The following CANT1 variants were observed in gnomAD, a reference collection of about 807,000 sequenced individuals.
CANT1 encodes calcium activated nucleotidase 1.
In CANT1, 26 loss-of-function variants were observed where a neutral mutation model predicts 30.0. That is an observed-to-expected ratio of 0.87 (90% confidence interval 0.64 to 1.20). The LOEUF (loss-of-function observed/expected upper bound fraction) is 1.20, where lower values mean the gene tolerates loss of function less well. Among genes scored for constraint, CANT1 ranks in the 50% most tolerant of loss-of-function variants. The probability of loss-of-function intolerance (pLI) is 0.00; values close to 1 mark genes in which losing one functional copy is unlikely to be tolerated. For synonymous variants in CANT1, 246 were observed against 251.8 expected (o/e 0.98, Z 0.22); for missense variants, 518 against 563.0 (o/e 0.92, Z 0.81).
rs2071106261 is a variant in CANT1, at chr17:78,998,114, C to CTG, written c.-146-152_-146-151insCA. On this transcript the variant is annotated intron_variant, in intron 1 of 4. Transcript: ENST00000392446. This position sits in a 1 kb window ranked among gnomAD's most constrained non-coding sequence, Gnocchi z 4.5. The stretch of plus-strand genomic sequence containing the variant: ...CTGACTGCCCTGCTGCAGACATCAC[C>CTG]CTCCGTCCCTGGGTCCTTGGCCCTT... The CTG allele has an allele frequency of 5.4e-6, 1 of 186,650 alleles. No homozygotes were observed. Among genetic ancestry groups the CTG allele is most frequent in the Non-Finnish European group, 1.1e-5 (1 of 88,640 alleles). 11.6% of individuals were successfully genotyped at this position (186,650 alleles called of 1,614,324 possible).
In CANT1 at chr17:78,997,350, G is replaced by T. The variant is rs369008128; in HGVS notation, c.273C>A (p.Tyr91Ter). ...QAPANWYNDT[Y>*]PLSPPQRTPA... ...GTGTCCTTTGTGGGGGAGACAGGGG[G>T]TAGGTGTCATTGTACCAGTTGGCGG... The change falls in exon 3 of 5, where the codon TAC (tyrosine) becomes TAA (stop). Residue 91 changes from tyrosine (Y) to a stop codon, truncating the protein, a stop_gained. Coordinates refer to ENST00000392446, the MANE Select transcript of CANT1 (RefSeq NM_001159773.2). LOFTEE classifies it high-confidence loss of function. The surrounding 1 kb of genome is among the most constrained non-coding windows in gnomAD (Gnocchi z 7.5). 2.5e-6 allele frequency: 4 copies of T among 1,614,040 alleles called. No homozygotes were observed. In the Admixed American group the frequency reaches 5.0e-5, roughly 20 times the overall value.
At position 78,993,730 on chromosome 17, in the gene CANT1, G is replaced by C. The variant is rs755288092; in HGVS notation, c.1026C>G (p.His342Gln). Residue 342 changes from histidine to glutamine, a missense_variant, in exon 5 of 5, where the codon CAC becomes CAG. Around this residue, in one of 3 missense-constraint regions of CANT1, gnomAD observed 221 missense variants for 211.8 expected, o/e 1.04. Coordinates refer to ENST00000392446, the MANE Select transcript of CANT1 (RefSeq NM_001159773.2). The surrounding 1 kb of genome is among the most constrained non-coding windows in gnomAD (Gnocchi z 4.5). ...VSHVGAVVPT[H>Q]GFSSFKFIPN... ...GGATGAACTTGAAGGACGAGAAGCCGTGAGTGGGGACCACCGCCCCGACGT... is the reference window on the plus strand; with the variant it reads ...GGATGAACTTGAAGGACGAGAAGCCCTGAGTGGGGACCACCGCCCCGACGT... 3 of 1,613,892 alleles carry C rather than the reference G, an allele frequency of 1.9e-6. No individual in the cohort carries two copies. The East Asian group carries it at 6.7e-5, about 36-fold the overall frequency.
In CANT1 at chr17:78,993,961, T is replaced by A. The variant is rs760787869; in HGVS notation, c.836-41A>T. The A allele has an allele frequency of 5.2e-6, 8 of 1,536,808 alleles. No homozygotes were observed. On this transcript the variant is annotated intron_variant, in intron 4 of 4. Transcript: ENST00000392446. The surrounding 1 kb of genome is among the most constrained non-coding windows in gnomAD (Gnocchi z 4.5). ...CCGCGGGTCAGACACGCATGCGGCC[T>A]GGTGTGCCCAGCCCCACACCATCAG...
rs1185110191 is a variant in CANT1 at position 78,996,457 on chromosome 17, G to C, written c.631+535C>G. ...CACCTCCTTTCTGGTGAACAAAAAG[G>C]CTGGCATCAGGCTCCACTCCAGGGG... On this transcript the variant is annotated intron_variant, in intron 3 of 4. Transcript: ENST00000392446. This position sits in a 1 kb window ranked among gnomAD's most constrained non-coding sequence, Gnocchi z 5.1. Among the ~76,000 whole-genome samples the C allele has an allele frequency of 1.3e-5, 2 of 152,192 alleles. No individual in the cohort carries two copies. Among genetic ancestry groups the C allele is most frequent in the African/African-American group, 4.8e-5 (2 of 41,444 alleles).
rs774578044 is a variant in CANT1 at position 78,992,758 on chromosome 17, A to C, written c.*792T>G. On this transcript the variant is annotated 3_prime_UTR_variant, in exon 5 of 5. Coordinates refer to ENST00000392446, the MANE Select transcript of CANT1 (RefSeq NM_001159773.2). Reference sequence around the variant, plus strand: ...CCACCGCTTCCTTACAATCTCCCGCACTGCTGGAGCGGGCTGGGTAACTAC... The same window carrying C: ...CCACCGCTTCCTTACAATCTCCCGCCCTGCTGGAGCGGGCTGGGTAACTAC... 3 of 591,938 alleles carry C rather than the reference A, an allele frequency of 5.1e-6. No homozygotes were observed. The highest frequency in any genetic ancestry group is 3.3e-6 in the Non-Finnish European group (1 of 306,002). The allele number at this position is 591,938 out of a possible 1,614,324, so 36.7% of individuals were successfully genotyped here.
Position 78,993,585 on chromosome 17 carries a change from C to G in CANT1, c.1171G>C (p.Gly391Arg), listed in dbSNP as rs556188370. 2 of 1,614,138 alleles carry G rather than the reference C, an allele frequency of 1.2e-6. No homozygotes were observed. The highest frequency in any genetic ancestry group is 2.2e-5 in the East Asian group (1 of 44,898). ...TCGATGCCTTCGTATTTCACGCTTC[C>G]GATCTTGGTCTCCGGCAACAGGAAG... Reference protein sequence around the residue: ...GRFLLPETKIGSVKYEGIEFI With the variant: ...GRFLLPETKIRSVKYEGIEFI Residue 391 changes from glycine to arginine, a missense_variant, in exon 5 of 5, where the codon GGA becomes CGA. Gly to Arg is a moderately radical substitution (Grantham distance 125). Transcript: ENST00000392446. This position sits in a 1 kb window ranked among gnomAD's most constrained non-coding sequence, Gnocchi z 4.5.
Position 78,998,513 on chromosome 17 carries a change from C to T in CANT1, c.-146-550G>A, listed in dbSNP as rs1381186248. On this transcript the variant is annotated intron_variant, in intron 1 of 4. Transcript: ENST00000392446. This position sits in a 1 kb window ranked among gnomAD's most constrained non-coding sequence, Gnocchi z 4.5. ...TGCGGGGCCTGGCTCGGCCGCAGGC[C>T]TCTCCCAGCTCACCCTCCACCCCAG... Among the ~76,000 whole-genome samples, 1 of 152,256 alleles carries T rather than the reference C, an allele frequency of 6.6e-6. No individual in the cohort carries two copies. The highest frequency in any genetic ancestry group is 1.5e-5 in the Non-Finnish European group (1 of 68,036).
Position 78,997,532 on chromosome 17 carries a change from T to C in CANT1, c.91A>G (p.Met31Val). 6.4e-7 allele frequency: 1 copy of C among 1,567,388 alleles called. No homozygotes were observed. ...SVGGLPVLAS[M>V]TKAADPRFRP... ...AAGCGGGGGTCCGCGGCCTTGGTCA[T>C]GGACGCCAGCACAGGAAGGCCCCCC... is the stretch of plus-strand genomic sequence containing the variant. Residue 31 changes from methionine to valine, a missense_variant, in exon 3 of 5, where the codon ATG (methionine) becomes GTG (valine). Met to Val is a conservative substitution (Grantham distance 21). This residue lies in a region of CANT1 where 249 missense variants were observed against 268.8 expected (regional missense o/e 0.93). Transcript: ENST00000392446. This position sits in a 1 kb window ranked among gnomAD's most constrained non-coding sequence, Gnocchi z 7.5.
At position 78,998,506 on chromosome 17, in the gene CANT1, C is replaced by T. The variant is rs971920491; in HGVS notation, c.-146-543G>A. Among the ~76,000 whole-genome samples, 8 of 152,244 alleles carry T rather than the reference C, an allele frequency of 5.3e-5. No individual in the cohort carries two copies. Among genetic ancestry groups the T allele is most frequent in the South Asian group, 2.1e-4 (1 of 4,832 alleles). ...GGCTCACTGCGGGGCCTGGCTCGGC[C>T]GCAGGCCTCTCCCAGCTCACCCTCC... On this transcript the variant is annotated intron_variant, in intron 1 of 4. Transcript: ENST00000392446. This position sits in a 1 kb window ranked among gnomAD's most constrained non-coding sequence, Gnocchi z 4.5.
chr17:78,993,843 C>T lies in CANT1; in HGVS notation c.913G>A (p.Glu305Lys), dbSNP rs906808020. 1 of 1,602,396 alleles carries T rather than the reference C, an allele frequency of 6.2e-7. No homozygotes were observed. Among genetic ancestry groups the T allele is most frequent in the Non-Finnish European group, 8.5e-7 (1 of 1,175,986 alleles). The change falls in exon 5 of 5, where the codon GAG becomes AAG. Residue 305 changes from glutamate to lysine, a missense_variant. By Grantham distance (56) the Glu-to-Lys change is moderately conservative (BLOSUM62 1). Coordinates refer to ENST00000392446, the MANE Select transcript of CANT1 (RefSeq NM_001159773.2). The surrounding 1 kb of genome is among the most constrained non-coding windows in gnomAD (Gnocchi z 4.5). The part of the protein sequence containing the change: ...WFFLPRRASQ[E>K]RYSEKDDERK... ...TCGTCGTCCTTCTCGCTGTAGCGCT[C>T]CTGGCTGGCGCGGCGCGGCAGGAAG...
In CANT1 at chr17:78,992,552, C is replaced by T; in HGVS notation, c.*998G>A. 5.2e-6 allele frequency: 2 copies of T among 386,710 alleles called. No individual in the cohort carries two copies. The highest frequency in any genetic ancestry group is 5.0e-5 in the South Asian group (2 of 40,164). 24.0% of individuals were successfully genotyped at this position (386,710 alleles called of 1,614,324 possible). A position where few individuals can be genotyped will look rare whatever the true frequency, so the allele number is the denominator to read the frequency against. On this transcript the variant is annotated 3_prime_UTR_variant, in exon 5 of 5. Coordinates refer to ENST00000392446, the MANE Select transcript of CANT1 (RefSeq NM_001159773.2). ...GAGAAATAAAGGCCATGGAAAGAAA[C>T]CCCAGGGAAGAGACAGGCCTCGTTC...
chr17:78,995,103 C>T lies in CANT1; in HGVS notation c.750G>A (p.Val250=), dbSNP rs778389142. 11 of 1,612,698 alleles carry T rather than the reference C, an allele frequency of 6.8e-6. No individual in the cohort carries two copies. Among genetic ancestry groups the T allele is most frequent in the Non-Finnish European group, 9.3e-6 (11 of 1,179,500 alleles). ...GGTCCACGCTGCCCTTGTAGCCCAC[C>T]ACCTTCACCCACTCCGGGTTCTCGT... ...VVNENPEWVK[V]VGYKGSVDHE... Residue 250 remains valine (V), a synonymous_variant, in exon 4 of 5, where the codon GTG becomes GTA. Transcript: ENST00000392446. The surrounding 1 kb of genome is among the most constrained non-coding windows in gnomAD (Gnocchi z 5.7).
rs745803909 is a variant in CANT1 at position 78,998,927 on chromosome 17, G to A, written c.-146-964C>T. On this transcript the variant is annotated intron_variant, in intron 1 of 4. Transcript: ENST00000392446. The surrounding 1 kb of genome is among the most constrained non-coding windows in gnomAD (Gnocchi z 4.5). ...CAGACGCTGTCCTCCCTGCCAGGGC[G>A]CCTGGGAAGGGCTTGGGGACTCCAG... Among the ~76,000 whole-genome samples, 5 of 152,144 alleles carry A rather than the reference G, an allele frequency of 3.3e-5. No individual in the cohort carries two copies. Among genetic ancestry groups the A allele is most frequent in the Admixed American group, 6.6e-5 (1 of 15,266 alleles).
rs1318396819 is a variant in CANT1 at position 78,997,500 on chromosome 17, G to A, written c.123C>T (p.Pro41=). The A allele has an allele frequency of 1.5e-5, 24 of 1,579,100 alleles. No individual in the cohort carries two copies. Among genetic ancestry groups the A allele is most frequent in the East Asian group, 2.3e-5 (1 of 44,434 alleles). The stretch of plus-strand genomic sequence containing the variant: ...AGAACGTCAGGATCACCTTCCAGCG[G>A]GGGCGGAAGCGGGGGTCCGCGGCCT... The part of the protein sequence containing the change: ...MTKAADPRFR[P]RWKVILTFFV... The change falls in exon 3 of 5, where the codon CCC becomes CCT. Residue 41 remains proline (P), a synonymous_variant. Transcript: ENST00000392446. The surrounding 1 kb of genome is among the most constrained non-coding windows in gnomAD (Gnocchi z 7.5).
At position 78,997,759 on chromosome 17, in the gene CANT1, C is replaced by G. The variant is rs909287004; in HGVS notation, c.-23+81G>C. 1.1e-6 allele frequency: 1 copy of G among 895,482 alleles called. No individual in the cohort carries two copies. The highest frequency in any genetic ancestry group is 1.6e-6 in the Non-Finnish European group (1 of 610,484). 55.5% of individuals were successfully genotyped at this position (895,482 alleles called of 1,614,324 possible). ...CTTTTCCAGAAGAAACAGTATTTCA[C>G]TACTCTGTGGCCATTCTTACTCCCT... On this transcript the variant is annotated intron_variant, in intron 2 of 4. Transcript: ENST00000392446. This position sits in a 1 kb window ranked among gnomAD's most constrained non-coding sequence, Gnocchi z 7.5.
rs2071309572 is a variant in CANT1, at chr17:79,002,700, A to G, written c.-146-4737T>C. On this transcript the variant is annotated intron_variant, in intron 1 of 4. Transcript: ENST00000392446. The surrounding 1 kb of genome is among the most constrained non-coding windows in gnomAD (Gnocchi z 4.0). ...GTCCCTCGACAGATCCCTGGTCAAG[A>G]CCATCTCAAATCACCCTCCACAAAA... 6.6e-6 allele frequency among the ~76,000 whole-genome samples: 1 copy of G among 152,218 alleles called. No homozygotes were observed. Among genetic ancestry groups the G allele is most frequent in the Admixed American group, 6.5e-5 (1 of 15,290 alleles).
In CANT1 at chr17:79,002,639, G is replaced by A. The variant is rs1426329521; in HGVS notation, c.-146-4676C>T. On this transcript the variant is annotated intron_variant, in intron 1 of 4. Coordinates refer to ENST00000392446, the MANE Select transcript of CANT1 (RefSeq NM_001159773.2). This position sits in a 1 kb window ranked among gnomAD's most constrained non-coding sequence, Gnocchi z 4.0. ...AGTCTGGCTGCACCGTTGAGTGGTC[G>A]CAACAGACTGTGGAGGCTGAAAATA... Among the ~76,000 whole-genome samples, 1 of 152,178 alleles carries A rather than the reference G, an allele frequency of 6.6e-6. No individual in the cohort carries two copies. The highest frequency in any genetic ancestry group is 1.9e-4 in the East Asian group (1 of 5,186).
Position 78,996,798 on chromosome 17 carries a change from G to T in CANT1, c.631+194C>A, listed in dbSNP as rs756590230. On this transcript the variant is annotated intron_variant, in intron 3 of 4. Coordinates refer to ENST00000392446, the MANE Select transcript of CANT1 (RefSeq NM_001159773.2). The surrounding 1 kb of genome is among the most constrained non-coding windows in gnomAD (Gnocchi z 5.1). ...CTCTTCCTCCTAGAAACTGCTCAGT[G>T]TGAAGTGACAGTAGGCTATGCTCCT... 2.7e-5 allele frequency: 21 copies of T among 787,532 alleles called. No individual in the cohort carries two copies. Among genetic ancestry groups the T allele is most frequent in the Non-Finnish European group, 4.5e-5 (20 of 448,326 alleles). The allele number at this position is 787,532 out of a possible 1,614,324, so 48.8% of individuals were successfully genotyped here. A position where few individuals can be genotyped will look rare whatever the true frequency, so the allele number is the denominator to read the frequency against.
Position 78,997,339 on chromosome 17 carries a change from G to T in CANT1, c.284C>A (p.Pro95His), listed in dbSNP as rs753599330. ...AATCCCAGCCGGTGTCCTTTGTGGGGGAGACAGGGGGTAGGTGTCATTGTA... is the reference window on the plus strand; with the variant it reads ...AATCCCAGCCGGTGTCCTTTGTGGGTGAGACAGGGGGTAGGTGTCATTGTA... ...NWYNDTYPLS[P>H]PQRTPAGIRY... Residue 95 changes from proline to histidine, a missense_variant, in exon 3 of 5, where the codon CCC becomes CAC. Coordinates refer to ENST00000392446, the MANE Select transcript of CANT1 (RefSeq NM_001159773.2). This position sits in a 1 kb window ranked among gnomAD's most constrained non-coding sequence, Gnocchi z 7.5. 1 of 1,614,180 alleles carries T rather than the reference G, an allele frequency of 6.2e-7. No homozygotes were observed. Among genetic ancestry groups the T allele is most frequent in the South Asian group, 1.1e-5 (1 of 91,088 alleles).
Sources: allele counts gnomAD v4.1 joint callset (sites outside exome capture counted in the v4.1 genomes callset), GRCh38; gene constraint gnomAD v4.1.1; regional missense constraint gnomAD v4.1.1; non-coding constraint Gnocchi (gnomAD v3.1); transcripts MANE v1.5; gene names NCBI Gene and HGNC (gene_info 2026-07-23, HGNC 2026-07-21).